The following BCO2 variants were observed in gnomAD, a reference collection of about 807,000 sequenced individuals.
The protein encoded by BCO2 is beta-carotene oxygenase 2.
BCO2 carries 56 observed loss-of-function variants against 65.8 expected under a neutral mutation model. The observed-to-expected ratio is 0.85, with a 90% confidence interval of 0.69 to 1.06. The LOEUF (loss-of-function observed/expected upper bound fraction) is 1.06, where lower values mean the gene tolerates loss of function less well. Among genes scored for constraint, BCO2 ranks in the 50% least tolerant of loss-of-function variants. The pLI, the probability that BCO2 is intolerant of heterozygous loss-of-function variation, is 0.00. For missense variants in BCO2, 675 were observed against 698.5 expected (o/e 0.97, Z 0.38); for synonymous variants, 233 against 242.3 (o/e 0.96, Z 0.36).
chr11:112,190,413 A>G (rs1038684148), intron 2 of BCO2, among the ~76,000 whole-genome samples: 1 of 152,226 alleles, frequency 6.6e-6, no homozygotes, highest in Non-Finnish European at 1.5e-5. Context: ...CAAGAATACA[A>G]GTTAGGCTTA....
intron 2 of BCO2, among the ~76,000 whole-genome samples, chr11:112,192,214 C>T (rs931963516): frequency 2.0e-5 from 3 of 152,138 alleles, no homozygotes; most frequent in Non-Finnish European, 2.9e-5. Flanking sequence ...TATTTCATAT[C>T]GCATAATGTC....
At chr11:112,213,998 G>A (rs986546787) in intron 9 of BCO2, 137 bp downstream of exon 9, 11 of 662,772 alleles carry the variant, frequency 1.7e-5, no homozygotes, top group South Asian at 2.7e-5. Flanking sequence ...ATGTAACATC[G>A]CTTGCACAAG....
chr11:112,195,139 A>ATT (rs200114568), intron 5 of BCO2, among the ~76,000 whole-genome samples: 5 of 143,822 alleles, frequency 3.5e-5, no homozygotes, highest in Admixed American at 7.0e-5. Flanking sequence ...TCTAAACTAC[A>ATT]TTTTTTTTTT....
At position 112,214,843 on chromosome 11, in the gene BCO2, C is replaced by T. The variant is rs144345630; in HGVS notation, c.1414C>T (p.Arg472Ter). ...TGAATTTCCTCAGATCTACTATGAT[C>T]GATTCAGTGGCAAAAAGTATCATTT... ...GIEFPQIYYDRFSGKKYHFFY... is the reference protein window; with the variant it reads ...GIEFPQIYYD Residue 472 changes from arginine (R) to a stop codon, truncating the protein, a stop_gained, in exon 10 of 12, where the codon CGA becomes TGA. Coordinates refer to ENST00000357685, the MANE Select transcript of BCO2 (RefSeq NM_031938.7). LOFTEE classifies it high-confidence loss of function. 617 of 1,613,934 alleles carry T rather than the reference C, an allele frequency of 3.8e-4. 1 individual carries two copies. In the African/African-American group the frequency reaches 5.9e-3, roughly 15 times the overall value.
chr11:112,211,815 T>G (rs1364419074), intron 8 of BCO2, among the ~76,000 whole-genome samples: 2 of 152,216 alleles, frequency 1.3e-5, no homozygotes, highest in African/African-American at 2.4e-5. Flanking sequence ...CTGGCCCCTT[T>G]GTTCTTCACT....
intron 2 of BCO2, among the ~76,000 whole-genome samples, chr11:112,182,176 G>A (rs1403916729): frequency 6.6e-6 from 1 of 152,128 alleles, no homozygotes; most frequent in Non-Finnish European, 1.5e-5. Context: ...AGTTAGAATG[G>A]CGATCATTAA....
intron 1 of BCO2, among the ~76,000 whole-genome samples, chr11:112,178,550 C>A (rs1221656102): frequency 6.6e-6 from 1 of 152,058 alleles, no homozygotes; most frequent in Non-Finnish European, 1.5e-5. Flanking sequence ...ATTTGACCAC[C>A]CCTCTATGTT....
chr11:112,216,330 G>T lies in BCO2; in HGVS notation c.1626G>T (p.Gln542His). ...TTTCTGTGGTGATCACTCCCAACCAGGTAAATATATTTCCCTATCACCAGT... is the reference window on the plus strand; with the variant it reads ...TTTCTGTGGTGATCACTCCCAACCATGTAAATATATTTCCCTATCACCAGT... ...VILSVVITPN[Q>H]NESNFILVLD... Residue 542 changes from glutamine (Q) to histidine (H), a missense_variant and splice_region_variant, in exon 11 of 12, where the codon CAG becomes CAT. Coordinates refer to ENST00000357685, the MANE Select transcript of BCO2 (RefSeq NM_031938.7). The T allele has an allele frequency of 1.1e-5, 17 of 1,608,034 alleles. No individual in the cohort carries two copies. Among genetic ancestry groups the T allele is most frequent in the Non-Finnish European group, 1.4e-5 (17 of 1,174,882 alleles).
At chr11:112,205,493 T>C (rs560277472) in intron 8 of BCO2, among the ~76,000 whole-genome samples, 1 of 152,368 alleles carries the variant, frequency 6.6e-6, no homozygotes, top group South Asian at 2.1e-4. Flanking sequence ...TCTCACTCTG[T>C]TGCCCAGGCT....
chr11:112,208,190 G>A (rs569888283), intron 8 of BCO2, among the ~76,000 whole-genome samples: 55 of 152,232 alleles, frequency 3.6e-4, no homozygotes, highest in African/African-American at 1.3e-3. Flanking sequence ...TTGAACTCCT[G>A]ACCTCAAGTG....
intron 9 of BCO2, among the ~76,000 whole-genome samples, chr11:112,214,075 T>C (rs1859588812): frequency 6.6e-6 from 1 of 152,144 alleles, no homozygotes; most frequent in East Asian, 1.9e-4. Context: ...AACAGAGATA[T>C]GGAACTGTCT....
At chr11:112,184,004 A>G (rs1468220027) in intron 2 of BCO2, among the ~76,000 whole-genome samples, 1 of 152,206 alleles carries the variant, frequency 6.6e-6, no homozygotes, top group Non-Finnish European at 1.5e-5. Context: ...GTCTGTTTAC[A>G]CTATTAGCCT....
rs1261907668 is a variant in BCO2 at position 112,201,167 on chromosome 11, T to G, written c.1026+394T>G. ...TCCTTTTTTTTTGAGATTTTTTTTT[T>G]AGATGGAGTCTTGCTCTATCACTAG... On this transcript the variant is annotated intron_variant, in intron 7 of 11. Coordinates refer to ENST00000357685, the MANE Select transcript of BCO2 (RefSeq NM_031938.7). 2.0e-5 allele frequency among the ~76,000 whole-genome samples: 3 copies of G among 149,676 alleles called. No individual in the cohort carries two copies. The Admixed American group carries it at 2.0e-4, about 10-fold the overall frequency.
rs115514247 is a variant in BCO2, at chr11:112,177,124, G to A, written c.88+1435G>A. On this transcript the variant is annotated intron_variant, in intron 1 of 11. Coordinates refer to ENST00000357685, the MANE Select transcript of BCO2 (RefSeq NM_031938.7). ...CAGGCCATTCAATTTACTTAAAAAA[G>A]TAAGATGAGTAAAATTACATACCTG... Among the ~76,000 whole-genome samples the A allele has an allele frequency of 5.9e-3, 902 of 152,192 alleles. 9 individuals are homozygous for A. Among genetic ancestry groups the A allele is most frequent in the African/African-American group, 0.021 (860 of 41,530 alleles).
At chr11:112,182,274 A>C (rs1472519132) in intron 2 of BCO2, among the ~76,000 whole-genome samples, 3 of 152,178 alleles carry the variant, frequency 2.0e-5, no homozygotes, top group African/African-American at 7.2e-5. Flanking sequence ...TAGTTCAACC[A>C]TTGTGGAAGA....
intron 6 of BCO2, chr11:112,200,388 G>T (rs1867694846): frequency 2.6e-6 from 1 of 388,248 alleles, no homozygotes; most frequent in Non-Finnish European, 4.5e-6. Context: ...TAAAAAGCAA[G>T]CTGAGAACAT....
chr11:112,212,478 A>T lies in BCO2; in HGVS notation c.1195-1246A>T, dbSNP rs563145155. 4.1e-3 allele frequency among the ~76,000 whole-genome samples: 623 copies of T among 152,312 alleles called. 6 individuals carry two copies. Among genetic ancestry groups the T allele is most frequent in the African/African-American group, 0.014 (569 of 41,564 alleles). ...TAGTGAGATACCATCTTTATTAAAA[A>T]TTTTTAAAAAGACTCTATATAGTCA... is the stretch of plus-strand genomic sequence containing the variant. On this transcript the variant is annotated intron_variant, in intron 8 of 11. Coordinates refer to ENST00000357685, the MANE Select transcript of BCO2 (RefSeq NM_031938.7).
In BCO2 at chr11:112,202,742, A is replaced by T. The variant is rs1244374671; in HGVS notation, c.1194+552A>T. Among the ~76,000 whole-genome samples the T allele has an allele frequency of 3.9e-5, 6 of 152,262 alleles. No individual in the cohort carries two copies. The East Asian group carries it at 1.2e-3, about 29-fold the overall frequency. On this transcript the variant is annotated intron_variant, in intron 8 of 11. Transcript: ENST00000357685. ...AAGAAACATGGCAAAGAGAGCCAAGATATGTGTTTAAAAGCATATGTGGCT... is the reference window on the plus strand; with the variant it reads ...AAGAAACATGGCAAAGAGAGCCAAGTTATGTGTTTAAAAGCATATGTGGCT...
At position 112,199,841 on chromosome 11, in the gene BCO2, T is replaced by G; in HGVS notation, c.865+14T>G. ...ACCATAGCTTTGGTGAGTCCAGAGATAAGGCAAATTTCAGTGGGCTCTGCC... is the reference window on the plus strand; with the variant it reads ...ACCATAGCTTTGGTGAGTCCAGAGAGAAGGCAAATTTCAGTGGGCTCTGCC... On this transcript the variant is annotated intron_variant, in intron 6 of 11. Transcript: ENST00000357685. 1 of 1,612,568 alleles carries G rather than the reference T, an allele frequency of 6.2e-7. No individual in the cohort carries two copies. The highest frequency in any genetic ancestry group is 8.5e-7 in the Non-Finnish European group (1 of 1,179,290).
Sources: gnomAD v4.1 joint callset for allele counts (sites outside exome capture counted in the v4.1 genomes callset) on GRCh38, gnomAD v4.1.1 for gene constraint, MANE v1.5 for transcripts, NCBI Gene and HGNC (gene_info 2026-07-23, HGNC 2026-07-21) for gene names.